The following ADCY2 variants were observed in gnomAD, a reference collection of about 807,000 sequenced individuals.
The protein encoded by ADCY2 is adenylate cyclase 2.
A neutral mutation model predicts 125.2 loss-of-function variants in ADCY2; 31 were observed. The ratio of observed to expected loss-of-function variants is 0.25; its 90% CI spans 0.19 to 0.33. ADCY2 has a LOEUF of 0.33. Ranked by LOEUF, ADCY2 falls within the 10% of genes least tolerant of loss-of-function variation. The pLI is 1.00. For synonymous variants in ADCY2, 512 were observed against 548.4 expected, an observed-to-expected ratio of 0.93 and a Z score of 0.93; for missense variants, 904 against 1,418.2, an observed-to-expected ratio of 0.64 and a Z score of 5.82.
intron 3 of ADCY2, among the ~76,000 whole-genome samples, chr5:7,565,202 G>A (rs1260641365): frequency 6.6e-6 from 1 of 152,210 alleles, no homozygotes; most frequent in African/African-American, 2.4e-5. Context: ...TTCAGGGTCA[G>A]TCTTTTTACT....
At chr5:7,522,946 C>A (rs75467471) in intron 3 of ADCY2, among the ~76,000 whole-genome samples, 13 of 151,142 alleles carry the variant, frequency 8.6e-5, no homozygotes, top group Admixed American at 7.9e-4. Flanking sequence ...CAAAAAAAAA[C>A]AAAGAAATGA....
chr5:7,634,354 T>C (rs545798575), intron 4 of ADCY2, among the ~76,000 whole-genome samples: 1 of 152,298 alleles, frequency 6.6e-6, no homozygotes, highest in African/African-American at 2.4e-5. Flanking sequence ...TTTCAAATGG[T>C]ATTATTTTTG....
intron 3 of ADCY2, among the ~76,000 whole-genome samples, chr5:7,612,196 C>T (rs768786485): frequency 1.3e-5 from 2 of 152,144 alleles, no homozygotes; most frequent in African/African-American, 2.4e-5. Context: ...GGAATCATTT[C>T]CCATTTAGAA....
At chr5:7,825,145 T>TGCTGTGCGCCACGAC (rs1561048343) in intron 24 of ADCY2, among the ~76,000 whole-genome samples, 4,378 of 145,520 alleles carry the variant, frequency 0.03, 264 homozygotes, top group African/African-American at 0.11. Flanking sequence ...TGTCCCATAA[T>TGCTGTGCGCCACGAC]AACGCTGCTG....
rs184691479 is a variant in ADCY2, at chr5:7,766,781, G to A, written c.2189G>A (p.Arg730His). ...SASNNQVAIL[R>H]AQNLFFLPYF... ...TCAAATAATCAGGTGGCGATTCTGC[G>A]TGCGCAGAATTTATTTTTCCTCCCG... The change falls in exon 17 of 25, where the codon CGT (arginine) becomes CAT (histidine). Residue 730 changes from arginine to histidine, a missense_variant. By Grantham distance (29) the Arg-to-His change is conservative. Transcript: ENST00000338316. 2.3e-4 allele frequency: 371 copies of A among 1,609,924 alleles called. 2 individuals are homozygous for A. The East Asian group carries it at 6.9e-3, about 30-fold the overall frequency.
intron 4 of ADCY2, among the ~76,000 whole-genome samples, chr5:7,655,074 C>T (rs891805368): frequency 6.6e-6 from 1 of 152,096 alleles, no homozygotes; most frequent in African/African-American, 2.4e-5. Flanking sequence ...GGGTGGATGG[C>T]TCCCAAGGCT....
chr5:7,513,357 T>C (rs1744143117), intron 2 of ADCY2, among the ~76,000 whole-genome samples: 1 of 152,220 alleles, frequency 6.6e-6, no homozygotes, highest in African/African-American at 2.4e-5. Context: ...TTATGTGAAG[T>C]ATTATCAAGG....
At chr5:7,654,360 T>C (rs774017922) in intron 4 of ADCY2, among the ~76,000 whole-genome samples, 1 of 152,038 alleles carries the variant, frequency 6.6e-6, no homozygotes, top group Non-Finnish European at 1.5e-5. Flanking sequence ...GAGAAGGTTA[T>C]TTTACAGATG....
intron 4 of ADCY2, among the ~76,000 whole-genome samples, chr5:7,639,321 T>A (rs1381404041): frequency 6.6e-6 from 1 of 152,202 alleles, no homozygotes; most frequent in Admixed American, 6.5e-5. Context: ...TGAGCAACCT[T>A]CATAATATGT....
At chr5:7,584,542 T>C (rs1476303289) in intron 3 of ADCY2, among the ~76,000 whole-genome samples, 1 of 152,122 alleles carries the variant, frequency 6.6e-6, no homozygotes, top group South Asian at 2.1e-4. Flanking sequence ...CGTATCACTA[T>C]GTTTGGAGAT....
At chr5:7,799,669 T>G (rs1744531667) in intron 20 of ADCY2, 1 of 152,334 alleles carries the variant, frequency 6.6e-6, no homozygotes, top group African/African-American at 2.4e-5. Context: ...TCCCCTGAGC[T>G]CCATTTCCTC....
chr5:7,817,026 T>A, intron 23 of ADCY2, 46 bp downstream of exon 23: 2 of 1,438,164 alleles, frequency 1.4e-6, no homozygotes, highest in Non-Finnish European at 2.0e-6. Context: ...GGCAAAGATG[T>A]GGAATAAGGA....
At chr5:7,722,547 A>G (rs918939954) in intron 12 of ADCY2, among the ~76,000 whole-genome samples, 1 of 152,134 alleles carries the variant, frequency 6.6e-6, no homozygotes, top group Non-Finnish European at 1.5e-5. Flanking sequence ...TGATTCCTCC[A>G]TCTAGTCCTA....
At position 7,829,224 on chromosome 5, in the gene ADCY2, C is replaced by T. The variant is rs1221701600; in HGVS notation, c.*2353C>T. 3 of 152,630 alleles carry T rather than the reference C, an allele frequency of 2.0e-5. No individual in the cohort carries two copies. Among genetic ancestry groups the T allele is most frequent in the African/African-American group, 4.8e-5 (2 of 41,450 alleles). The allele number at this position is 152,630 out of a possible 1,614,324, so 9.5% of individuals were successfully genotyped here. On this transcript the variant is annotated 3_prime_UTR_variant, in exon 25 of 25. Coordinates refer to ENST00000338316, the MANE Select transcript of ADCY2 (RefSeq NM_020546.3). ...TGAGATCCCCGGGGCTGGGGCCCAG[C>T]ACAACTGCTGTTTAGTGAACAGGTT...
intron 4 of ADCY2, among the ~76,000 whole-genome samples, chr5:7,666,844 C>T (rs975973801): frequency 2.0e-5 from 3 of 152,178 alleles, no homozygotes; most frequent in African/African-American, 7.2e-5. Context: ...AGCAGTTGGT[C>T]TTCCCTCCGT....
At chr5:7,715,929 T>A (rs1192661933) in intron 11 of ADCY2, among the ~76,000 whole-genome samples, 1 of 152,244 alleles carries the variant, frequency 6.6e-6, no homozygotes. Context: ...ATTTGTAATC[T>A]AATCAACCAT....
chr5:7,535,493 T>A (rs901320420), intron 3 of ADCY2, among the ~76,000 whole-genome samples: 1 of 152,230 alleles, frequency 6.6e-6, no homozygotes, highest in Non-Finnish European at 1.5e-5. Flanking sequence ...CAGTTCTTTC[T>A]TGTTGCATTC....
Position 7,646,098 on chromosome 5 carries a change from C to A in ADCY2, c.720+19782C>A, listed in dbSNP as rs572764475. The stretch of plus-strand genomic sequence containing the variant: ...CCAGTGAAACAAAAATGAATTCAAA[C>A]AAAAGAGAAAAAATGTTGGGATTTT... On this transcript the variant is annotated intron_variant, in intron 4 of 24. Coordinates refer to ENST00000338316, the MANE Select transcript of ADCY2 (RefSeq NM_020546.3). Among the ~76,000 whole-genome samples the A allele has an allele frequency of 7.6e-4, 115 of 151,138 alleles. No individual in the cohort carries two copies. The Middle Eastern group carries it at 0.017, about 23-fold the overall frequency.
intron 14 of ADCY2, 108 bp downstream of exon 14, chr5:7,727,369 A>T (rs2126401336): frequency 1.1e-6 from 1 of 875,118 alleles, no homozygotes; most frequent in Non-Finnish European, 1.8e-6. Context: ...CAGAGGGGTG[A>T]TTTAATGTCA....
Sources: gnomAD v4.1 joint callset for allele counts (sites outside exome capture counted in the v4.1 genomes callset) on GRCh38, gnomAD v4.1.1 for gene constraint, MANE v1.5 for transcripts, NCBI Gene and HGNC (gene_info 2026-07-23, HGNC 2026-07-21) for gene names.